MAP4: variants seen among roughly 807,000 people sequenced by gnomAD.
MAP4 encodes microtubule-associated protein 4.
A neutral mutation model predicts 170.2 loss-of-function variants in MAP4; 76 were observed. That is an observed-to-expected ratio of 0.45 (90% CI 0.37 to 0.54). The LOEUF is 0.54. Ranked by LOEUF, MAP4 falls within the 20% of genes least tolerant of loss-of-function variation. MAP4 has a pLI of 0.00. For synonymous variants in MAP4, 909 were observed against 994.5 expected (o/e 0.91, Z 1.62); for missense variants, 2,506 against 2,748.0 (o/e 0.91, Z 1.97).
chr3:47,872,942 G>C (rs1246616214), intron 12 of MAP4, among the ~76,000 whole-genome samples: 1 of 152,240 alleles, frequency 6.6e-6, no homozygotes, highest in African/African-American at 2.4e-5. Context: ...GAACAGGACT[G>C]AGCTGCAGAT....
chr3:47,953,873 G>C (rs2100066105), intron 3 of MAP4, among the ~76,000 whole-genome samples: 1 of 152,022 alleles, frequency 6.6e-6, no homozygotes, highest in South Asian at 2.1e-4. Flanking sequence ...AATTAGCCAG[G>C]TGTGGTGGTG....
chr3:47,973,876 G>A (rs1234989054), intron 3 of MAP4: 2 of 985,174 alleles, frequency 2.0e-6, no homozygotes, highest in Non-Finnish European at 2.4e-6. Flanking sequence ...TCTATGGCAA[G>A]AGAGTTTTAA....
At chr3:48,060,225 T>C (rs1323524913) in intron 1 of MAP4, among the ~76,000 whole-genome samples, 1 of 152,318 alleles carries the variant, frequency 6.6e-6, no homozygotes, top group East Asian at 1.9e-4. Context: ...TCTGTTGATC[T>C]TTCTCAGCCA....
At chr3:48,018,899 G>T (rs1193766915), upstream of MAP4, among the ~76,000 whole-genome samples, 1 of 152,184 alleles carries the variant, frequency 6.6e-6, no homozygotes, top group African/African-American at 2.4e-5. Context: ...ATTATAGAAA[G>T]AAAGCCAGTA....
chr3:47,936,944 C>T (rs1168764866), intron 3 of MAP4, among the ~76,000 whole-genome samples: 2 of 147,914 alleles, frequency 1.4e-5, no homozygotes, highest in Non-Finnish European at 3.0e-5. Context: ...CGCGCCACTG[C>T]ACTCCGGCTT....
chr3:48,006,427 A>G (rs912362449), intron 1 of MAP4, among the ~76,000 whole-genome samples: 1 of 152,252 alleles, frequency 6.6e-6, no homozygotes, highest in African/African-American at 2.4e-5. Flanking sequence ...AAGTCAGGTA[A>G]TTAATGAAGT....
chr3:47,914,672 AGATAAAATCT>A, intron 8 of MAP4, 135 bp downstream of exon 8: 1 of 907,482 alleles, frequency 1.1e-6, no homozygotes, highest in Non-Finnish European at 1.7e-6. Context: ...TGTCTAAACC[AGATAAAATCT>A]GTCTAAGAGA....
intron 6 of MAP4, among the ~76,000 whole-genome samples, 180 bp from the exon 7 acceptor site, chr3:47,917,354 G>A (rs1336647873): frequency 1.3e-5 from 2 of 152,116 alleles, no homozygotes; most frequent in Admixed American, 6.6e-5. Flanking sequence ...TTGGGAGGCC[G>A]AGGCGGATGG....
chr3:47,951,962 C>T (rs1435721804), intron 3 of MAP4, among the ~76,000 whole-genome samples: 2 of 151,782 alleles, frequency 1.3e-5, no homozygotes, highest in South Asian at 2.1e-4. Context: ...TCTGCCCGGC[C>T]GCCCACTGTC....
At chr3:48,070,894 G>A (rs967048442) in intron 1 of MAP4, among the ~76,000 whole-genome samples, 2 of 151,250 alleles carry the variant, frequency 1.3e-5, no homozygotes, top group African/African-American at 4.9e-5. Flanking sequence ...ATATGGTGGT[G>A]AGCGCCTGTA....
chr3:48,002,952 C>A (rs2100100040), intron 1 of MAP4, among the ~76,000 whole-genome samples: 1 of 76,372 alleles, frequency 1.3e-5, no homozygotes. Context: ...ACATTAAGGC[C>A]AAAAATAAAT....
chr3:47,865,919 C>T (rs1447024172), intron 17 of MAP4, among the ~76,000 whole-genome samples: 3 of 152,210 alleles, frequency 2.0e-5, no homozygotes, highest in Non-Finnish European at 4.4e-5. Flanking sequence ...CTGTCTCTCC[C>T]TAGACCAGAA....
In MAP4 at chr3:47,869,312, T is replaced by G; in HGVS notation, c.6310A>C (p.Lys2104Gln). 1 of 1,613,254 alleles carries G rather than the reference T, an allele frequency of 6.2e-7. No individual in the cohort carries two copies. The highest frequency in any genetic ancestry group is 1.1e-5 in the South Asian group (1 of 91,068). ...CGGGTTGTAGCAGCTGCCTCTGTTT[T>G]TTTCTCTACTTTGGCCTGGATGGAG... ...PGGGRAKVEK[K>Q]TEAAATTRKP... Residue 2104 changes from lysine (K) to glutamine (Q), a missense_variant, in exon 16 of 21, where the codon AAA becomes CAA. By Grantham distance (53) the Lys-to-Gln change is moderately conservative (BLOSUM62 1). Around this residue, in one of 3 missense-constraint regions of MAP4, gnomAD observed 487 missense variants for 511.6 expected, o/e 0.95. Coordinates refer to ENST00000683076, the MANE Select transcript of MAP4 (RefSeq NM_001385682.1).
At chr3:47,989,903 T>A (rs2154339658) in intron 2 of MAP4, among the ~76,000 whole-genome samples, 1 of 146,204 alleles carries the variant, frequency 6.8e-6, no homozygotes, top group East Asian at 2.0e-4. Flanking sequence ...AATAGCACAC[T>A]TTTTTTTTTT....
intron 1 of MAP4, among the ~76,000 whole-genome samples, chr3:48,032,780 AATAAAT>A (rs2100116855): frequency 6.6e-6 from 1 of 150,598 alleles, no homozygotes; most frequent in South Asian, 2.1e-4. Flanking sequence ...TGAGAAACTT[AATAAAT>A]ATAGACAAAA....
At chr3:47,894,901 T>A (rs1022834882) in intron 10 of MAP4, among the ~76,000 whole-genome samples, 1 of 151,110 alleles carries the variant, frequency 6.6e-6, no homozygotes, top group African/African-American at 2.4e-5. Flanking sequence ...GTGATCACAA[T>A]TGTGGTCCCA....
chr3:48,025,905 A>ATAATAATAT (rs1491381332), intron 1 of MAP4, among the ~76,000 whole-genome samples: 5 of 139,008 alleles, frequency 3.6e-5, no homozygotes, highest in Non-Finnish European at 6.1e-5. Flanking sequence ...TGCCTCAAAA[A>ATAATAATAT]TAATAATAAT....
At position 47,910,865 on chromosome 3, in the gene MAP4, T is replaced by C. The variant is rs1204891645; in HGVS notation, c.3556A>G (p.Asn1186Asp). 19 of 1,536,032 alleles carry C rather than the reference T, an allele frequency of 1.2e-5. No individual in the cohort carries two copies. The highest frequency in any genetic ancestry group is 1.7e-5 in the Non-Finnish European group (19 of 1,146,926). Residue 1186 changes from asparagine to aspartate, a missense_variant, in exon 9 of 21, where the codon AAT becomes GAT. This residue lies in a region of MAP4 where 2,008 missense variants were observed against 2,206.0 expected (regional missense o/e 0.91). Transcript: ENST00000683076. ...TGDVVKDMGV[N>D]NQSKEGRCPW... ...CACCTTCCTTCCTTGCTCTGGTTATTGACACCCATATCTTTGACTACATCT... is the reference window on the plus strand; with the variant it reads ...CACCTTCCTTCCTTGCTCTGGTTATCGACACCCATATCTTTGACTACATCT...
intron 3 of MAP4, among the ~76,000 whole-genome samples, chr3:47,967,928 C>G (rs2100076076): frequency 6.6e-6 from 1 of 152,144 alleles, no homozygotes; most frequent in South Asian, 2.1e-4. Context: ...GCACTCCAGC[C>G]TGGGTGACAG....
Sources: gnomAD v4.1 joint callset for allele counts (sites outside exome capture counted in the v4.1 genomes callset) on GRCh38, gnomAD v4.1.1 for gene constraint, gnomAD v4.1.1 regional missense constraint, MANE v1.5 for transcripts, NCBI Gene and HGNC (gene_info 2026-07-23, HGNC 2026-07-21) for gene names.